Variants in MND1 observed in about 807,000 individuals in gnomAD.
MND1 encodes the protein meiotic nuclear division protein 1 homolog.
A neutral mutation model predicts 35.1 loss-of-function variants in MND1; 28 were observed. The observed-to-expected ratio is 0.80, with a 90% CI of 0.59 to 1.09. The LOEUF (loss-of-function observed/expected upper bound fraction) is 1.09, where lower values mean the gene tolerates loss of function less well. MND1 is among the 50% of genes least tolerant of loss of function. MND1 has a pLI of 0.00. For synonymous variants in MND1, 69 were observed against 70.5 expected (o/e 0.98, Z 0.11); for missense variants, 213 against 239.6 (o/e 0.89, Z 0.73).
At chr4:153,395,327 A>G (rs2149653526) in intron 5 of MND1, among the ~76,000 whole-genome samples, 1 of 152,278 alleles carries the variant, frequency 6.6e-6, no homozygotes, top group South Asian at 2.1e-4. Context: ...ACCTTCAACT[A>G]ATGGTGACAT....
chr4:153,401,494 T>G (rs1729347132), intron 6 of MND1, among the ~76,000 whole-genome samples: 1 of 151,570 alleles, frequency 6.6e-6, no homozygotes, highest in Non-Finnish European at 1.5e-5. Flanking sequence ...ATCACTAACT[T>G]TAGAGAACTT....
intron 4 of MND1, among the ~76,000 whole-genome samples, chr4:153,373,539 TA>T (rs1334042172): frequency 1.3e-5 from 2 of 152,204 alleles, no homozygotes; most frequent in East Asian, 1.9e-4. Flanking sequence ...ATCTAGCTTT[TA>T]AAAAATTGAG....
intron 6 of MND1, among the ~76,000 whole-genome samples, 169 bp from the exon 7 acceptor site, chr4:153,408,802 T>G (rs1729591124): frequency 6.6e-6 from 1 of 151,646 alleles, no homozygotes; most frequent in South Asian, 2.1e-4. Flanking sequence ...AAATACAATA[T>G]TATGTCACTA....
At chr4:153,410,327 C>T (rs1729647406) in intron 7 of MND1, among the ~76,000 whole-genome samples, 2 of 151,496 alleles carry the variant, frequency 1.3e-5, no homozygotes, top group Admixed American at 1.3e-4. Context: ...GAACCTGGGA[C>T]TTTTAAAACC....
intron 4 of MND1, among the ~76,000 whole-genome samples, chr4:153,359,373 C>G (rs558031137): frequency 2.6e-5 from 4 of 152,084 alleles, no homozygotes; most frequent in Non-Finnish European, 2.9e-5. Context: ...TGGCTCATTT[C>G]TTTTTATTGC....
chr4:153,400,102 G>A (rs952694660), intron 6 of MND1, among the ~76,000 whole-genome samples: 2 of 151,776 alleles, frequency 1.3e-5, no homozygotes, highest in Non-Finnish European at 2.9e-5. Flanking sequence ...TAGAGATGGT[G>A]TCTCGCTATA....
rs1051472717 is a variant in MND1 at position 153,397,400 on chromosome 4, G to A, written c.466+67G>A. 6.3e-6 allele frequency: 7 copies of A among 1,118,142 alleles called. No homozygotes were observed. In the Admixed American group the frequency reaches 1.6e-4, roughly 26 times the overall value. The allele number at this position is 1,118,142 out of a possible 1,614,324, so 69.3% of individuals were successfully genotyped here. ...TGAAGAAGACTTTATTTTTCTAGTT[G>A]CCTGCTAACTATTCTCCATGTATAT... On this transcript the variant is annotated intron_variant, in intron 6 of 7. Coordinates refer to ENST00000240488, the MANE Select transcript of MND1 (RefSeq NM_032117.4).
At chr4:153,366,912 A>T (rs916859135) in intron 4 of MND1, among the ~76,000 whole-genome samples, 1 of 152,220 alleles carries the variant, frequency 6.6e-6, no homozygotes, top group Non-Finnish European at 1.5e-5. Context: ...GTCTCACAGT[A>T]AGTGTGGAAT....
chr4:153,384,538 C>T (rs1349620382), intron 4 of MND1, among the ~76,000 whole-genome samples: 1 of 148,998 alleles, frequency 6.7e-6, no homozygotes, highest in Non-Finnish European at 1.5e-5. Flanking sequence ...ACCGATCTTC[C>T]CACCTTGGCC....
chr4:153,415,046 C>T lies in MND1; in HGVS notation c.*189C>T, dbSNP rs1043980606. ...AACAAAAGCAGGATGATAACCATAT[C>T]CCCCCAGTGCTCATCAAAGTAGGAC... On this transcript the variant is annotated 3_prime_UTR_variant, in exon 8 of 8. Transcript: ENST00000240488. 1 of 355,482 alleles carries T rather than the reference C, an allele frequency of 2.8e-6. No individual in the cohort carries two copies. The allele number at this position is 355,482 out of a possible 1,614,324, so 22.0% of individuals were successfully genotyped here. A position where few individuals can be genotyped will look rare whatever the true frequency, so the allele number is the denominator to read the frequency against.
At chr4:153,398,471 A>T (rs1487014476) in intron 6 of MND1, among the ~76,000 whole-genome samples, 1 of 152,250 alleles carries the variant, frequency 6.6e-6, no homozygotes, top group Non-Finnish European at 1.5e-5. Flanking sequence ...TAAGCAGTTC[A>T]GTTAGTGTAA....
At chr4:153,399,890 A>ATTTTTT (rs34815482) in intron 6 of MND1, among the ~76,000 whole-genome samples, 1 of 71,120 alleles carries the variant, frequency 1.4e-5, no homozygotes, top group East Asian at 4.7e-4. Flanking sequence ...TTTCAGTGAG[A>ATTTTTT]TTTTTTTTTT....
chr4:153,361,767 G>A, intron 4 of MND1: 1 of 323,088 alleles, frequency 3.1e-6, no homozygotes, highest in Non-Finnish European at 6.0e-6. Context: ...GAACCCGGGA[G>A]GTGGAGCTTG....
At position 153,378,236 on chromosome 4, in the gene MND1, G is replaced by T. The variant is rs200330464; in HGVS notation, c.277-16026G>T. 5.9e-5 allele frequency among the ~76,000 whole-genome samples: 9 copies of T among 152,300 alleles called. No homozygotes were observed. The East Asian group carries it at 1.5e-3, about 26-fold the overall frequency. ...CCAGTCTACACATACAGCAGAAAAG[G>T]TGGTTTCCATTAAATAGTTATTTTA... On this transcript the variant is annotated intron_variant, in intron 4 of 7. Coordinates refer to ENST00000240488, the MANE Select transcript of MND1 (RefSeq NM_032117.4).
At chr4:153,392,437 G>T (rs181255259) in intron 4 of MND1, among the ~76,000 whole-genome samples, 36 of 152,160 alleles carry the variant, frequency 2.4e-4, no homozygotes, top group African/African-American at 7.7e-4. Flanking sequence ...TCAGCCAACA[G>T]AAATTAAATC....
At chr4:153,360,761 A>T (rs961910667) in intron 4 of MND1, among the ~76,000 whole-genome samples, 2 of 141,980 alleles carry the variant, frequency 1.4e-5, no homozygotes, top group Non-Finnish European at 3.0e-5. Flanking sequence ...ACATATATAC[A>T]CACATATACA....
At chr4:153,352,271 A>G (rs184014832) in intron 2 of MND1, among the ~76,000 whole-genome samples, 38 of 152,302 alleles carry the variant, frequency 2.5e-4, no homozygotes, top group African/African-American at 8.7e-4. Flanking sequence ...AGACATAGAC[A>G]TGATCATGTA....
At chr4:153,377,166 A>G (rs570623268) in intron 4 of MND1, among the ~76,000 whole-genome samples, 1 of 152,176 alleles carries the variant, frequency 6.6e-6, no homozygotes, top group South Asian at 2.1e-4. Flanking sequence ...TTGGGGACAT[A>G]TTTTTTAGGG....
intron 4 of MND1, among the ~76,000 whole-genome samples, chr4:153,367,275 C>G (rs1773661322): frequency 6.6e-6 from 1 of 152,168 alleles, no homozygotes. Flanking sequence ...AACAGAAACG[C>G]TCTACTCTTT....
Sources: allele counts gnomAD v4.1 joint callset (sites outside exome capture counted in the v4.1 genomes callset), GRCh38; gene constraint gnomAD v4.1.1; transcripts MANE v1.5; gene names NCBI Gene and HGNC (gene_info 2026-07-23, HGNC 2026-07-21).